The following GLIS1 variants were observed in gnomAD, a reference collection of about 807,000 sequenced individuals.
GLIS1 encodes GLIS family zinc finger 1, also known as zinc finger protein GLIS1.
Under a neutral mutation model 63.8 loss-of-function variants are expected in GLIS1, and 24 were observed. The observed-to-expected ratio is 0.38, with a 90% CI of 0.27 to 0.53. The LOEUF is 0.53. GLIS1 is among the 20% of genes least tolerant of loss of function. GLIS1 has a pLI of 0.85. For synonymous variants in GLIS1, 450 were observed against 482.5 expected, an observed-to-expected ratio of 0.93 and a Z score of 0.88; for missense variants, 1,036 against 1,074.1, an observed-to-expected ratio of 0.96 and a Z score of 0.50.
intron 2 of GLIS1, among the ~76,000 whole-genome samples, chr1:53,706,872 A>G (rs1190078680): frequency 6.6e-6 from 1 of 152,166 alleles, no homozygotes; most frequent in African/African-American, 2.4e-5. Flanking sequence ...TTCATAATTA[A>G]TAGGGAAGCT....
rs200161623 is a variant in GLIS1, at chr1:53,703,665, T to C, written c.259+34141A>G. On this transcript the variant is annotated intron_variant, in intron 2 of 10. Transcript: ENST00000628545. ...AAAAAAAAAAAAAAAAAAAAAAGCATGAGTCCTTACTTTTCCAAATAGATC... is the reference window on the plus strand; with the variant it reads ...AAAAAAAAAAAAAAAAAAAAAAGCACGAGTCCTTACTTTTCCAAATAGATC... Among the ~76,000 whole-genome samples the C allele has an allele frequency of 1.3e-4, 18 of 137,274 alleles. No individual in the cohort carries two copies. The East Asian group carries it at 2.7e-3, about 21-fold the overall frequency. The allele number at this position is 137,274 out of a possible 152,430, so 90.1% of individuals were successfully genotyped here.
chr1:53,738,191 C>T, intron 1 of GLIS1, 85 bp from the exon 2 acceptor site: 1 of 785,664 alleles, frequency 1.3e-6, no homozygotes. Flanking sequence ...CAGGTCACTG[C>T]CCCTTCGGTG....
At chr1:53,529,743 G>A (rs1211862109) in intron 5 of GLIS1, 48 bp downstream of exon 5, 3 of 1,573,154 alleles carry the variant, frequency 1.9e-6, no homozygotes, top group East Asian at 2.2e-5. Context: ...AGTGGCAGGT[G>A]TGTGGCCATC....
chr1:53,549,167 T>C (rs1039917694), intron 4 of GLIS1, among the ~76,000 whole-genome samples: 1 of 152,282 alleles, frequency 6.6e-6, no homozygotes, highest in Admixed American at 6.5e-5. Flanking sequence ...TACCACATTT[T>C]ATCTATCCAT....
chr1:53,582,213 T>A (rs1038556155), intron 4 of GLIS1, among the ~76,000 whole-genome samples: 1 of 152,204 alleles, frequency 6.6e-6, no homozygotes, highest in African/African-American at 2.4e-5. Context: ...GAAAGGAGGC[T>A]GGCAGAGCCA....
chr1:53,534,895 C>CG (rs1644567520), intron 4 of GLIS1, among the ~76,000 whole-genome samples: 1 of 151,988 alleles, frequency 6.6e-6, no homozygotes. Context: ...GGGGCTGACC[C>CG]GGGGGCTTCT....
At chr1:53,507,456 C>A (rs114476177) in intron 10 of GLIS1, among the ~76,000 whole-genome samples, 2 of 152,180 alleles carry the variant, frequency 1.3e-5, no homozygotes, top group South Asian at 2.1e-4. Flanking sequence ...GTGGGGCCAC[C>A]GCTCAGAGGC....
At chr1:53,536,724 C>T (rs1157466061) in intron 4 of GLIS1, among the ~76,000 whole-genome samples, 1 of 152,160 alleles carries the variant, frequency 6.6e-6, no homozygotes, top group East Asian at 1.9e-4. Context: ...CTCTCAGGAG[C>T]TAGTACTGTC....
At chr1:53,525,772 C>T (rs902748994) in intron 5 of GLIS1, among the ~76,000 whole-genome samples, 12 of 152,014 alleles carry the variant, frequency 7.9e-5, no homozygotes, top group African/African-American at 2.9e-4. Context: ...CCTCCCACCA[C>T]GAGCACCTCC....
At chr1:53,614,908 A>ACT (rs58859594) in intron 2 of GLIS1, among the ~76,000 whole-genome samples, 32,835 of 149,702 alleles carry the variant, frequency 0.22, 3,669 homozygotes, top group East Asian at 0.4. Flanking sequence ...TCGTGCACAC[A>ACT]CTCACACACA....
At chr1:53,730,291 G>A (rs1475929606) in intron 2 of GLIS1, among the ~76,000 whole-genome samples, 1 of 152,120 alleles carries the variant, frequency 6.6e-6, no homozygotes, top group African/African-American at 2.4e-5. Context: ...ACCTCTGCCG[G>A]CACGTGTAAT....
intron 2 of GLIS1, among the ~76,000 whole-genome samples, chr1:53,711,731 C>T (rs1262992799): frequency 6.6e-6 from 1 of 152,220 alleles, no homozygotes; most frequent in African/African-American, 2.4e-5. Flanking sequence ...TGTAGCATAA[C>T]CTTCACAAGT....
intron 2 of GLIS1, among the ~76,000 whole-genome samples, chr1:53,685,335 C>T (rs984729428): frequency 2.0e-5 from 3 of 152,218 alleles, no homozygotes; most frequent in Admixed American, 1.3e-4. Context: ...CGCCCCGCCG[C>T]GGAGGACCGC....
At chr1:53,675,207 C>G (rs1203565554) in intron 2 of GLIS1, among the ~76,000 whole-genome samples, 1 of 152,210 alleles carries the variant, frequency 6.6e-6, no homozygotes, top group Non-Finnish European at 1.5e-5. Flanking sequence ...TTCCCAAACC[C>G]TGTTAAATTA....
chr1:53,574,881 C>T lies in GLIS1; in HGVS notation c.1320+19227G>A, dbSNP rs1446492287. Among the ~76,000 whole-genome samples, 1 of 152,174 alleles carries T rather than the reference C, an allele frequency of 6.6e-6. No homozygotes were observed. Among genetic ancestry groups the T allele is most frequent in the African/African-American group, 2.4e-5 (1 of 41,428 alleles). ...GAGGGAGGATGTCTTCCCTCGCCCA[C>T]AGTCAGGCTCCTTCACAGCAACTCT... is the stretch of plus-strand genomic sequence containing the variant. On this transcript the variant is annotated intron_variant, in intron 4 of 10. Coordinates refer to ENST00000628545, the MANE Select transcript of GLIS1 (RefSeq NM_001367484.1). This position sits in a 1 kb window ranked among gnomAD's most constrained non-coding sequence, Gnocchi z 4.2.
At chr1:53,685,771 G>A (rs543630992) in intron 2 of GLIS1, among the ~76,000 whole-genome samples, 7 of 152,208 alleles carry the variant, frequency 4.6e-5, no homozygotes, top group African/African-American at 1.7e-4. Context: ...TTCAGCGCTG[G>A]CCACCGCTAC....
intron 2 of GLIS1, among the ~76,000 whole-genome samples, chr1:53,663,500 G>A (rs1646051991): frequency 6.6e-6 from 1 of 152,180 alleles, no homozygotes; most frequent in Admixed American, 6.5e-5. Context: ...AGATACAGAG[G>A]CCCCTTCACC....
chr1:53,642,908 C>T (rs1645802653), intron 2 of GLIS1, among the ~76,000 whole-genome samples: 1 of 152,238 alleles, frequency 6.6e-6, no homozygotes, highest in Admixed American at 6.5e-5. Flanking sequence ...GTGCCCAGTG[C>T]AGGCCTGGCA....
At chr1:53,722,907 T>G (rs1335273893) in intron 2 of GLIS1, among the ~76,000 whole-genome samples, 2 of 142,920 alleles carry the variant, frequency 1.4e-5, no homozygotes, top group African/African-American at 5.2e-5. Context: ...CCGAGGCGGG[T>G]GGATCACCTG....
Sources: gnomAD v4.1 joint callset for allele counts (sites outside exome capture counted in the v4.1 genomes callset) on GRCh38, gnomAD v4.1.1 for gene constraint, Gnocchi (gnomAD v3.1) non-coding constraint, MANE v1.5 for transcripts, NCBI Gene and HGNC (gene_info 2026-07-23, HGNC 2026-07-21) for gene names.